The following CCDC175 variants were observed in gnomAD, a reference collection of about 807,000 sequenced individuals.
The protein encoded by CCDC175 is coiled-coil domain-containing protein 175.
CCDC175 carries 100 observed loss-of-function variants against 114.6 expected under a neutral mutation model. The ratio of observed to expected loss-of-function variants is 0.87; its 90% CI spans 0.74 to 1.03. The LOEUF (loss-of-function observed/expected upper bound fraction) is 1.03, where lower values mean the gene tolerates loss of function less well. Ranked by LOEUF, CCDC175 falls within the 50% of genes least tolerant of loss-of-function variation. The probability of loss-of-function intolerance (pLI) is 0.00; values close to 1 mark genes in which losing one functional copy is unlikely to be tolerated. For synonymous variants in CCDC175, 306 were observed against 308.7 expected, an observed-to-expected ratio of 0.99 and a Z score of 0.09; for missense variants, 880 against 917.8, an observed-to-expected ratio of 0.96 and a Z score of 0.53.
At chr14:59,561,302 A>C in intron 6 of CCDC175, 74 bp from the exon 7 acceptor site, 1 of 662,756 alleles carries the variant, frequency 1.5e-6, no homozygotes, top group Non-Finnish European at 2.6e-6. Context: ...AATTCCACTC[A>C]ATATTCATGA....
intron 19 of CCDC175, among the ~76,000 whole-genome samples, chr14:59,509,289 A>G (rs1892619645): frequency 6.6e-6 from 1 of 152,184 alleles, no homozygotes. Context: ...GGAAATACAA[A>G]TAGAAGCAAG....
intron 13 of CCDC175, among the ~76,000 whole-genome samples, chr14:59,535,212 G>C (rs955976093): frequency 6.6e-6 from 1 of 152,154 alleles, no homozygotes; most frequent in African/African-American, 2.4e-5. Context: ...CCCTTTGTGT[G>C]AATTAGGCAT....
intron 7 of CCDC175, among the ~76,000 whole-genome samples, chr14:59,559,479 A>G (rs1034611388): frequency 5.3e-5 from 8 of 152,322 alleles, no homozygotes; most frequent in Non-Finnish European, 1.0e-4. Context: ...TAACAAGGCT[A>G]TTAACCAGCT....
chr14:59,574,820 A>G (rs1216429125), intron 2 of CCDC175, 123 bp downstream of exon 2: 7 of 531,318 alleles, frequency 1.3e-5, no homozygotes, highest in Non-Finnish European at 2.3e-5. Context: ...AAATATTTTT[A>G]AGTTCAGGGT....
In CCDC175 at chr14:59,540,671, T is replaced by TTTA. The variant is rs1192868585; in HGVS notation, c.1355+3_1355+4insTAA. ...AACTTTTTTTTTTTTTTTTTTTTTT[T>TTTA]TACCATCTCTGACTTTCTCTTTCCA... On this transcript the variant is annotated splice_donor_region_variant and intron_variant, in intron 11 of 19. Coordinates refer to ENST00000537690, the MANE Select transcript of CCDC175 (RefSeq NM_001164399.2). 2.0e-6 allele frequency: 3 copies of TTTA among 1,507,820 alleles called. No homozygotes were observed. Among genetic ancestry groups the TTTA allele is most frequent in the Non-Finnish European group, 2.6e-6 (3 of 1,133,742 alleles). The allele number at this position is 1,507,820 out of a possible 1,614,324, so 93.4% of individuals were successfully genotyped here.
intron 2 of CCDC175, among the ~76,000 whole-genome samples, chr14:59,573,388 A>T (rs1269702747): frequency 1.3e-5 from 2 of 152,136 alleles, no homozygotes; most frequent in African/African-American, 4.8e-5. Context: ...TATTTTATGA[A>T]TTATAAAAAG....
Position 59,525,285 on chromosome 14 carries a change from T to C in CCDC175, c.1992A>G (p.Lys664=). 1 of 1,447,696 alleles carries C rather than the reference T, an allele frequency of 6.9e-7. No individual in the cohort carries two copies. The highest frequency in any genetic ancestry group is 9.0e-7 in the Non-Finnish European group (1 of 1,110,022). 89.7% of individuals were successfully genotyped at this position (1,447,696 alleles called of 1,614,324 possible). A position where few individuals can be genotyped will look rare whatever the true frequency, so the allele number is the denominator to read the frequency against. ...DLLLLENKKL[K]EYILYLKNNI... is the part of the protein sequence containing the mutation. ...AGGATGGTGCTCTTAAACTTACTTC[T>C]TTTAATTTTTTATTTTCCAGGAGCA... The change falls in exon 16 of 20, where the codon AAA becomes AAG. Residue 664 remains lysine (K), a synonymous_variant. Transcript: ENST00000537690.
intron 11 of CCDC175, among the ~76,000 whole-genome samples, chr14:59,539,867 T>C (rs1467438320): frequency 6.6e-6 from 1 of 152,118 alleles, no homozygotes; most frequent in Non-Finnish European, 1.5e-5. Context: ...TCCACTGCAC[T>C]TCAGCCTGGG....
chr14:59,555,419 C>T (rs1267157841), intron 7 of CCDC175, among the ~76,000 whole-genome samples: 1 of 152,092 alleles, frequency 6.6e-6, no homozygotes, highest in Non-Finnish European at 1.5e-5. Context: ...AACAGCCCTC[C>T]AATGCTAAAA....
chr14:59,555,894 A>T (rs568193557), intron 7 of CCDC175, among the ~76,000 whole-genome samples: 41 of 152,194 alleles, frequency 2.7e-4, no homozygotes, highest in Non-Finnish European at 4.9e-4. Context: ...AATACCTAGG[A>T]ATCCAACTTA....
intron 3 of CCDC175, 62 bp from the exon 4 acceptor site, chr14:59,568,442 CTT>C: frequency 7.8e-7 from 1 of 1,284,010 alleles, no homozygotes; most frequent in Non-Finnish European, 1.0e-6. Context: ...TAGATACTGA[CTT>C]TCACGCAAAA....
intron 19 of CCDC175, among the ~76,000 whole-genome samples, chr14:59,506,839 A>AT (rs1266304812): frequency 9.2e-5 from 14 of 152,150 alleles, no homozygotes; most frequent in Non-Finnish European, 1.8e-4. Context: ...ATATACATTG[A>AT]TTTTTTTAAT....
chr14:59,522,610 C>A (rs1893486179), intron 16 of CCDC175, among the ~76,000 whole-genome samples: 1 of 152,216 alleles, frequency 6.6e-6, no homozygotes, highest in Admixed American at 6.5e-5. Flanking sequence ...CTCCACAGCT[C>A]ACTCCTTCAA....
chr14:59,521,460 G>C, intron 17 of CCDC175, 114 bp downstream of exon 17: 1 of 609,576 alleles, frequency 1.6e-6, no homozygotes, highest in Non-Finnish European at 2.8e-6. Flanking sequence ...ACTTTACCTT[G>C]TGATCATGTG....
intron 7 of CCDC175, among the ~76,000 whole-genome samples, chr14:59,559,876 CA>C (rs149116910): frequency 0.016 from 2,474 of 152,114 alleles, 63 homozygotes; most frequent in African/African-American, 0.056. Context: ...TAAATCATTA[CA>C]AATGGAAGAT....
intron 19 of CCDC175, among the ~76,000 whole-genome samples, chr14:59,505,581 G>A (rs933879137): frequency 6.6e-6 from 1 of 152,038 alleles, no homozygotes; most frequent in Admixed American, 6.5e-5. Flanking sequence ...ACAATTACAA[G>A]GCCTCACGGG....
intron 15 of CCDC175, among the ~76,000 whole-genome samples, chr14:59,525,996 T>G (rs979943562): frequency 1.3e-5 from 2 of 152,204 alleles, no homozygotes; most frequent in African/African-American, 4.8e-5. Context: ...AAGGGATGAC[T>G]GTACTTTGAT....
chr14:59,506,664 ATCT>A (rs1892420994), intron 19 of CCDC175, among the ~76,000 whole-genome samples: 1 of 152,094 alleles, frequency 6.6e-6, no homozygotes, highest in Non-Finnish European at 1.5e-5. Context: ...CCTATTTCAG[ATCT>A]TAATTTTTCC....
intron 4 of CCDC175, 103 bp from the exon 5 acceptor site, chr14:59,565,378 T>G (rs556632611): frequency 1.1e-6 from 1 of 908,982 alleles, no homozygotes; most frequent in Admixed American, 2.8e-5. Flanking sequence ...GTGTAAGGAA[T>G]ACTTATTTTA....
Sources: allele counts gnomAD v4.1 joint callset (sites outside exome capture counted in the v4.1 genomes callset), GRCh38; gene constraint gnomAD v4.1.1; transcripts MANE v1.5; gene names NCBI Gene and HGNC (gene_info 2026-07-23, HGNC 2026-07-21).